Variants in CCDC3 observed in about 807,000 individuals in gnomAD.
The protein encoded by CCDC3 is coiled-coil domain-containing protein 3.
In CCDC3, 24 loss-of-function variants were observed where a neutral mutation model predicts 21.4. The observed-to-expected ratio is 1.12, with a 90% confidence interval of 0.81 to 1.58. The LOEUF is 1.58. CCDC3 is among the 40% of genes most tolerant of loss of function. CCDC3 has a pLI of 0.00. For synonymous variants in CCDC3, 186 were observed against 166.0 expected, an observed-to-expected ratio of 1.12 and a Z score of -0.93; for missense variants, 425 against 360.9, an observed-to-expected ratio of 1.18 and a Z score of -1.44.
Position 13,032,619 on chromosome 10 carries a change from A to G in CCDC3, c.-2+17055T>C, listed in dbSNP as rs188069103. ...ATCATCTCAGCCCAAAATCTCCTTA[A>G]GCGGATAAGCAACTTCAGCAAAGTC... On this transcript the variant is annotated intron_variant, in intron 5 of 6. Coordinates refer to the CCDC3 transcript ENST00000378839. 1.6e-4 allele frequency among the ~76,000 whole-genome samples: 24 copies of G among 152,342 alleles called. 1 individual carries two copies. The East Asian group carries it at 3.9e-3, about 24-fold the overall frequency.
chr10:12,915,666 G>A (rs1410963916), intron 2 of CCDC3, among the ~76,000 whole-genome samples: 2 of 152,194 alleles, frequency 1.3e-5, no homozygotes, highest in African/African-American at 4.8e-5. Context: ...AGGCTGTCTT[G>A]TGTGGTCATG....
In CCDC3 at chr10:13,001,201, GGAA is replaced by G. The variant is rs1338216672; in HGVS notation, c.367_369del (p.Phe123del). ...CGGCGGCGCCGCCGGGCTCACCTGA[GGAA>G]GAAGAAATAGGAGTAGTCCTGGACC... On this transcript the variant is annotated inframe_deletion, in exon 1 of 3. Transcript: ENST00000378825. 3.2e-6 allele frequency: 5 copies of G among 1,553,698 alleles called. No homozygotes were observed. Among genetic ancestry groups the G allele is most frequent in the Non-Finnish European group, 4.4e-6 (5 of 1,148,872 alleles).
chr10:13,027,073 C>T (rs1262094825), intron 5 of CCDC3, among the ~76,000 whole-genome samples: 1 of 152,162 alleles, frequency 6.6e-6, no homozygotes, highest in African/African-American at 2.4e-5. Flanking sequence ...TTGTAAAGGA[C>T]CTGTCAACCT....
intron 2 of CCDC3, among the ~76,000 whole-genome samples, chr10:12,934,670 G>GT (rs1834706937): frequency 3.3e-5 from 5 of 152,146 alleles, no homozygotes; most frequent in Admixed American, 2.6e-4. Flanking sequence ...CCTTCTTGGA[G>GT]TAGTAACCCC....
chr10:12,946,706 A>AC (rs1301860277), intron 2 of CCDC3, among the ~76,000 whole-genome samples: 1 of 152,128 alleles, frequency 6.6e-6, no homozygotes, highest in African/African-American at 2.4e-5. Flanking sequence ...ATTGTATTTC[A>AC]CCATGCCCTA....
At chr10:13,002,139 G>T (rs943058234), upstream of CCDC3, among the ~76,000 whole-genome samples, 6 of 152,280 alleles carry the variant, frequency 3.9e-5, no homozygotes, top group African/African-American at 1.4e-4. Context: ...GAGATCTCGT[G>T]CTCTCTCAGA....
chr10:12,974,833 G>A (rs577074921), intron 2 of CCDC3, among the ~76,000 whole-genome samples: 2 of 152,342 alleles, frequency 1.3e-5, no homozygotes, highest in Admixed American at 6.5e-5. Context: ...TTTCATGGCA[G>A]CACAGTCTCC....
chr10:12,935,377 C>G (rs1006675775), intron 2 of CCDC3, among the ~76,000 whole-genome samples: 2 of 152,136 alleles, frequency 1.3e-5, no homozygotes, highest in Admixed American at 6.5e-5. Context: ...AACCACTATG[C>G]CAGGCCTTGT....
chr10:12,941,072 C>G (rs1834822515), intron 2 of CCDC3, among the ~76,000 whole-genome samples: 1 of 152,170 alleles, frequency 6.6e-6, no homozygotes, highest in Non-Finnish European at 1.5e-5. Context: ...TTCTAAGTCA[C>G]AGGATGAGAT....
intron 2 of CCDC3, among the ~76,000 whole-genome samples, chr10:12,996,808 C>T (rs1336604747): frequency 2.0e-5 from 3 of 152,070 alleles, no homozygotes; most frequent in Non-Finnish European, 4.4e-5. Flanking sequence ...AGGCCATTAT[C>T]CTAAGCAAAT....
intron 2 of CCDC3, among the ~76,000 whole-genome samples, chr10:12,990,263 CAAAAA>C (rs61700228): frequency 2.0e-5 from 2 of 99,794 alleles, no homozygotes; most frequent in Non-Finnish European, 2.2e-5. Context: ...CCGTCTCAAC[CAAAAA>C]AAAAAAAAAA....
Position 12,906,983 on chromosome 10 carries a change from T to C in CCDC3, c.550-8304A>G, listed in dbSNP as rs564444260. 7.9e-4 allele frequency among the ~76,000 whole-genome samples: 120 copies of C among 152,318 alleles called. 2 individuals are homozygous for C. Among genetic ancestry groups the C allele is most frequent in the African/African-American group, 2.8e-3 (116 of 41,562 alleles). ...GATGACATTCTACTTCTTCTCCAAGTCTTGGTTCAAGAGTCACCTCCTCTG... is the reference window on the plus strand; with the variant it reads ...GATGACATTCTACTTCTTCTCCAAGCCTTGGTTCAAGAGTCACCTCCTCTG... On this transcript the variant is annotated intron_variant, in intron 2 of 2. Coordinates refer to ENST00000378825, the MANE Select transcript of CCDC3 (RefSeq NM_031455.4).
At chr10:13,085,757 A>C (rs1157711340) in intron 3 of CCDC3, among the ~76,000 whole-genome samples, 1 of 152,216 alleles carries the variant, frequency 6.6e-6, no homozygotes, top group Non-Finnish European at 1.5e-5. Flanking sequence ...ACCTGAGGTC[A>C]GGAGTTTGAG....
intron 5 of CCDC3, among the ~76,000 whole-genome samples, chr10:13,048,841 G>C (rs140067279): frequency 6.6e-6 from 1 of 152,150 alleles, no homozygotes; most frequent in African/African-American, 2.4e-5. Flanking sequence ...AAGAGAGAGG[G>C]AGATTGTGTC....
At chr10:13,018,148 T>A (rs12355440) in intron 5 of CCDC3, among the ~76,000 whole-genome samples, 1 of 151,896 alleles carries the variant, frequency 6.6e-6, no homozygotes, top group Admixed American at 6.6e-5. Flanking sequence ...AGGGAATATG[T>A]GTAGATATCA....
chr10:12,921,629 C>A (rs1834451553), intron 2 of CCDC3, among the ~76,000 whole-genome samples: 1 of 152,236 alleles, frequency 6.6e-6, no homozygotes, highest in Non-Finnish European at 1.5e-5. Context: ...GTGTTAAGTA[C>A]AATTACATTG....
chr10:13,093,962 T>C (rs973597032), intron 3 of CCDC3, among the ~76,000 whole-genome samples: 3 of 152,184 alleles, frequency 2.0e-5, no homozygotes, highest in African/African-American at 7.2e-5. Flanking sequence ...TTACAGTGAT[T>C]ATTTTCCCAA....
intron 3 of CCDC3, among the ~76,000 whole-genome samples, chr10:13,076,462 G>A (rs2131444018): frequency 6.6e-6 from 1 of 152,324 alleles, no homozygotes; most frequent in Admixed American, 6.5e-5. Context: ...AGTGTCCTGT[G>A]TAGAAAGCAA....
At chr10:12,948,740 T>G (rs938058341) in intron 2 of CCDC3, among the ~76,000 whole-genome samples, 8 of 141,878 alleles carry the variant, frequency 5.6e-5, no homozygotes, top group African/African-American at 1.3e-4. Flanking sequence ...TTTTTTTTTT[T>G]TTTTTTTTTT....
Sources: gnomAD v4.1 joint callset for allele counts (sites outside exome capture counted in the v4.1 genomes callset) on GRCh38, gnomAD v4.1.1 for gene constraint, MANE v1.5 for transcripts, NCBI Gene and HGNC (gene_info 2026-07-23, HGNC 2026-07-21) for gene names.